The following KCNH1 variants were observed in gnomAD, a reference collection of about 807,000 sequenced individuals.
KCNH1 encodes voltage-gated delayed rectifier potassium channel KCNH1.
In KCNH1, 27 loss-of-function variants were observed where a neutral mutation model predicts 69.2. That is an observed-to-expected ratio of 0.39 (90% CI 0.29 to 0.54). The LOEUF is 0.54. KCNH1 is among the 20% of genes least tolerant of loss of function. The pLI is 0.68. For synonymous variants in KCNH1, 456 were observed against 487.7 expected (o/e 0.93, Z 0.86); for missense variants, 798 against 1,261.6 (o/e 0.63, Z 5.57).
chr1:211,022,448 G>T (rs886329985), intron 5 of KCNH1, among the ~76,000 whole-genome samples: 2 of 152,094 alleles, frequency 1.3e-5, no homozygotes, highest in Non-Finnish European at 2.9e-5. Flanking sequence ...CAAAAGTACA[G>T]GCAACCAAGG....
chr1:210,966,427 T>C (rs1239826985), intron 6 of KCNH1, among the ~76,000 whole-genome samples: 1 of 152,150 alleles, frequency 6.6e-6, no homozygotes, highest in Non-Finnish European at 1.5e-5. Flanking sequence ...CAAAAGAAAC[T>C]ACCATCAGAG....
chr1:210,971,203 T>G (rs2102367058), intron 6 of KCNH1, among the ~76,000 whole-genome samples: 1 of 152,188 alleles, frequency 6.6e-6, no homozygotes, highest in South Asian at 2.1e-4. Context: ...TCCTCCCACT[T>G]CAGTCCCCCA....
chr1:211,084,660 T>C (rs1690920847), intron 4 of KCNH1, among the ~76,000 whole-genome samples: 1 of 152,114 alleles, frequency 6.6e-6, no homozygotes, highest in South Asian at 2.1e-4. Context: ...GAAAAGGAAA[T>C]GGATGAACAG....
rs561619255 is a variant in KCNH1, at chr1:211,054,179, G to A, written c.558+28601C>T. On this transcript the variant is annotated intron_variant, in intron 5 of 10. Transcript: ENST00000271751. ...TACCTGTAATCCCAGCTACTCAGGAGTCTGAGGCAAGAGAATCTCTTGAAC... is the reference window on the plus strand; with the variant it reads ...TACCTGTAATCCCAGCTACTCAGGAATCTGAGGCAAGAGAATCTCTTGAAC... Among the ~76,000 whole-genome samples the A allele has an allele frequency of 2.0e-5, 3 of 152,054 alleles. No homozygotes were observed. In the South Asian group the frequency reaches 6.2e-4, roughly 32 times the overall value.
At position 211,105,002 on chromosome 1, in the gene KCNH1, C is replaced by T. The variant is rs114540356; in HGVS notation, c.204-1400G>A. 1.6e-3 allele frequency among the ~76,000 whole-genome samples: 236 copies of T among 152,210 alleles called. 1 individual carries two copies. The highest frequency in any genetic ancestry group is 5.1e-3 in the African/African-American group (210 of 41,538). On this transcript the variant is annotated intron_variant, in intron 2 of 10. Transcript: ENST00000271751. ...CTACAGGCTTCCAAATTCTGGTACC[C>T]AATAAGAAGAGAGTCCTAGCTGTTG...
chr1:210,801,371 G>T (rs141918563), intron 8 of KCNH1, among the ~76,000 whole-genome samples: 30 of 152,298 alleles, frequency 2.0e-4, no homozygotes, highest in African/African-American at 5.3e-4. Context: ...TGACAGGACT[G>T]GTTCTCTCCC....
intron 10 of KCNH1, among the ~76,000 whole-genome samples, chr1:210,722,948 G>A (rs1682505309): frequency 6.6e-6 from 1 of 152,184 alleles, no homozygotes; most frequent in South Asian, 2.1e-4. Context: ...TGGGGTTAAT[G>A]TGCTTCCCGT....
At chr1:210,744,458 A>G (rs529762461) in intron 10 of KCNH1, among the ~76,000 whole-genome samples, 48 of 152,306 alleles carry the variant, frequency 3.2e-4, no homozygotes, top group Non-Finnish European at 5.7e-4. Context: ...AGCCTGACCA[A>G]CATAGTGAAA....
intron 7 of KCNH1, among the ~76,000 whole-genome samples, chr1:210,866,018 AT>A (rs1686101294): frequency 6.6e-6 from 1 of 152,226 alleles, no homozygotes; most frequent in Non-Finnish European, 1.5e-5. Flanking sequence ...CAATGGGGGA[AT>A]AAAAACTTTT....
intron 7 of KCNH1, among the ~76,000 whole-genome samples, chr1:210,833,541 G>T (rs1433778247): frequency 6.6e-6 from 1 of 152,170 alleles, no homozygotes; most frequent in East Asian, 1.9e-4. Context: ...ATTCAAGATG[G>T]ATTAAAGACT....
At chr1:210,933,308 AACAATGAGAACACATGGAC>A (rs1358025523) in intron 6 of KCNH1, among the ~76,000 whole-genome samples, 1 of 152,126 alleles carries the variant, frequency 6.6e-6, no homozygotes, top group East Asian at 1.9e-4. Context: ...GTGGGAATTG[AACAATGAGAACACATGGAC>A]ACAGCAAGGG....
intron 10 of KCNH1, among the ~76,000 whole-genome samples, chr1:210,762,277 A>G (rs1683538694): frequency 6.6e-6 from 1 of 152,192 alleles, no homozygotes; most frequent in South Asian, 2.1e-4. Context: ...TCAAGAAGAT[A>G]GATAGATCTG....
intron 9 of KCNH1, among the ~76,000 whole-genome samples, chr1:210,780,903 C>T (rs140965761): frequency 0.02 from 3,049 of 152,140 alleles, 107 homozygotes; most frequent in African/African-American, 0.069. Context: ...AAAAATTAGC[C>T]GGGCGTGGTG....
At chr1:211,042,493 T>G (rs563111421) in intron 5 of KCNH1, among the ~76,000 whole-genome samples, 42 of 152,200 alleles carry the variant, frequency 2.8e-4, no homozygotes, top group Non-Finnish European at 5.6e-4. Flanking sequence ...ACCTAAGAAA[T>G]GAGATATACA....
intron 5 of KCNH1, among the ~76,000 whole-genome samples, chr1:211,070,462 C>T (rs1690621704): frequency 7.1e-6 from 1 of 141,532 alleles, no homozygotes; most frequent in South Asian, 2.3e-4. Context: ...CACACACAAA[C>T]AAACAAATCC....
chr1:210,848,055 G>A (rs1394871834), intron 7 of KCNH1, among the ~76,000 whole-genome samples: 1 of 152,186 alleles, frequency 6.6e-6, no homozygotes, highest in Non-Finnish European at 1.5e-5. Context: ...CATCTATGTG[G>A]TGAACAATTT....
intron 5 of KCNH1, among the ~76,000 whole-genome samples, chr1:211,032,683 T>C (rs1164438933): frequency 1.3e-5 from 2 of 152,228 alleles, no homozygotes; most frequent in Non-Finnish European, 2.9e-5. Flanking sequence ...ATTTAATAAA[T>C]GGTGCTGGGA....
chr1:210,945,162 A>T (rs1462357282), intron 6 of KCNH1, among the ~76,000 whole-genome samples: 1 of 152,232 alleles, frequency 6.6e-6, no homozygotes, highest in African/African-American at 2.4e-5. Flanking sequence ...TCATCTATTA[A>T]TGGGCACTTG....
intron 8 of KCNH1, among the ~76,000 whole-genome samples, chr1:210,800,948 C>T (rs1470069529): frequency 2.0e-5 from 3 of 152,228 alleles, no homozygotes; most frequent in Non-Finnish European, 4.4e-5. Flanking sequence ...CTCCTCTCCC[C>T]ATGTCTTCAT....
Sources: allele counts gnomAD v4.1 joint callset (sites outside exome capture counted in the v4.1 genomes callset), GRCh38; gene constraint gnomAD v4.1.1; transcripts MANE v1.5; gene names NCBI Gene and HGNC (gene_info 2026-07-23, HGNC 2026-07-21).